Variants in EYA1 observed in about 807,000 individuals in gnomAD.
EYA1 encodes the protein protein phosphatase EYA1.
EYA1 carries 16 observed loss-of-function variants against 82.0 expected under a neutral mutation model. The ratio of observed to expected loss-of-function variants is 0.20; its 90% CI spans 0.13 to 0.30. The LOEUF (loss-of-function observed/expected upper bound fraction) is 0.30. EYA1 is among the 10% of genes least tolerant of loss of function. The pLI is 1.00. For missense variants in EYA1, 633 were observed against 730.7 expected (o/e 0.87, Z 1.54); for synonymous variants, 261 against 264.4 (o/e 0.99, Z 0.12).
intron 2 of EYA1, among the ~76,000 whole-genome samples, chr8:71,508,609 TAAA>T (rs1250435746): frequency 6.6e-6 from 1 of 152,100 alleles, no homozygotes; most frequent in Non-Finnish European, 1.5e-5. Flanking sequence ...AGTGGCCTTA[TAAA>T]AGGGGCCCAA....
At chr8:71,264,854 A>T (rs1460391389) in intron 11 of EYA1, among the ~76,000 whole-genome samples, 2 of 152,108 alleles carry the variant, frequency 1.3e-5, no homozygotes, top group East Asian at 3.9e-4. Context: ...AAGTGCTGGG[A>T]TTACACGCAT....
At position 71,299,138 on chromosome 8, in the gene EYA1, G is replaced by C; in HGVS notation, c.735C>G (p.Thr245=). 6.2e-7 allele frequency: 1 copy of C among 1,614,142 alleles called. No homozygotes were observed. Among genetic ancestry groups the C allele is most frequent in the Non-Finnish European group, 8.5e-7 (1 of 1,180,010 alleles). Residue 245 remains threonine, a synonymous_variant, in exon 9 of 18, where the codon ACC becomes ACG. Transcript: ENST00000340726. ...YPAHYMTSSN[T]SPTTPSTNAT... Reference sequence around the variant, plus strand: ...CATTGGTGGATGGTGTCGTTGGGCTGGTGTTGCTGCTGGTCATATAATGTG... The same window carrying C: ...CATTGGTGGATGGTGTCGTTGGGCTCGTGTTGCTGCTGGTCATATAATGTG...
At chr8:71,287,655 G>T (rs975666423) in intron 9 of EYA1, among the ~76,000 whole-genome samples, 1 of 152,144 alleles carries the variant, frequency 6.6e-6, no homozygotes, top group African/African-American at 2.4e-5. Context: ...CACTTTTGGG[G>T]CTTTAGTGTC....
intron 6 of EYA1, among the ~76,000 whole-genome samples, chr8:71,321,532 CT>C (rs1232076362): frequency 1.3e-5 from 2 of 152,200 alleles, no homozygotes; most frequent in Non-Finnish European, 2.9e-5. Context: ...ACCACATAAT[CT>C]TTTCGCTACC....
intron 2 of EYA1, among the ~76,000 whole-genome samples, chr8:71,389,114 GA>G (rs1305213650): frequency 2.0e-5 from 3 of 151,812 alleles, no homozygotes; most frequent in Non-Finnish European, 2.9e-5. Flanking sequence ...GAGGGAGAAA[GA>G]AAAGAAACAA....
intron 3 of EYA1, 70 bp from the exon 4 acceptor site, chr8:71,334,244 TA>T: frequency 8.7e-7 from 1 of 1,149,170 alleles, no homozygotes; most frequent in Middle Eastern, 1.9e-4. Context: ...AGAGAAGATA[TA>T]ACATTCAGAG....
intron 1 of EYA1, among the ~76,000 whole-genome samples, chr8:71,542,887 C>A (rs1586917472): frequency 6.6e-6 from 1 of 152,180 alleles, no homozygotes; most frequent in South Asian, 2.1e-4. Context: ...ATGTCCTTTG[C>A]CCACTTTTTA....
At chr8:71,363,816 C>A (rs1186978229), upstream of EYA1, among the ~76,000 whole-genome samples, 4 of 152,056 alleles carry the variant, frequency 2.6e-5, no homozygotes, top group African/African-American at 7.2e-5. Flanking sequence ...TTAAACAATG[C>A]TTGAAATTTT....
intron 2 of EYA1, among the ~76,000 whole-genome samples, chr8:71,405,100 G>A (rs1224545425): frequency 1.3e-5 from 2 of 151,960 alleles, no homozygotes; most frequent in African/African-American, 4.8e-5. Flanking sequence ...GTAGTACAAG[G>A]TGCCAATATG....
chr8:71,273,546 A>G (rs1816790993), intron 9 of EYA1, among the ~76,000 whole-genome samples: 1 of 152,226 alleles, frequency 6.6e-6, no homozygotes, highest in Non-Finnish European at 1.5e-5. Context: ...GTAGAATTTT[A>G]AGTAGTCAAG....
intron 7 of EYA1, among the ~76,000 whole-genome samples, chr8:71,300,123 C>T (rs1820042657): frequency 1.3e-5 from 2 of 152,040 alleles, no homozygotes; most frequent in Admixed American, 6.6e-5. Flanking sequence ...GATACTACTT[C>T]CAAGAACTTA....
At chr8:71,439,744 C>G (rs1806272322) in intron 2 of EYA1, among the ~76,000 whole-genome samples, 1 of 152,156 alleles carries the variant, frequency 6.6e-6, no homozygotes, top group Admixed American at 6.5e-5. Context: ...AAACATTCAC[C>G]AAGCACCTAC....
At chr8:71,369,032 C>CAAAAAAAA (rs60647486) in intron 2 of EYA1, among the ~76,000 whole-genome samples, 90 of 112,814 alleles carry the variant, frequency 8.0e-4, no homozygotes, top group African/African-American at 2.2e-3. Flanking sequence ...ACTAAAAATA[C>CAAAAAAAA]AAAAAAAAAA....
At chr8:71,507,115 T>C (rs761767104) in intron 2 of EYA1, among the ~76,000 whole-genome samples, 4 of 152,208 alleles carry the variant, frequency 2.6e-5, no homozygotes, top group Non-Finnish European at 5.9e-5. Flanking sequence ...TGCCAGGCAC[T>C]AGTCTAGCTC....
At chr8:71,306,087 C>T (rs945658172) in intron 7 of EYA1, among the ~76,000 whole-genome samples, 27 of 152,190 alleles carry the variant, frequency 1.8e-4, no homozygotes, top group African/African-American at 6.0e-4. Flanking sequence ...TCACAGCTCT[C>T]ACTGTGTTAC....
intron 12 of EYA1, among the ~76,000 whole-genome samples, chr8:71,237,562 TG>T: frequency 6.6e-6 from 1 of 152,316 alleles, no homozygotes; most frequent in Non-Finnish European, 1.5e-5. Context: ...TTACAGAATT[TG>T]GGACATACAG....
chr8:71,277,555 G>A lies in EYA1; in HGVS notation c.827-5658C>T, dbSNP rs547080576. The stretch of plus-strand genomic sequence containing the variant: ...ATCTTTGTGAATTCTCTAACTTCTG[G>A]TCCCTTCTTTGTAATTATGTACTCT... On this transcript the variant is annotated intron_variant, in intron 9 of 17. Transcript: ENST00000340726. Among the ~76,000 whole-genome samples, 24 of 152,148 alleles carry A rather than the reference G, an allele frequency of 1.6e-4. 1 individual carries two copies. In the South Asian group the frequency reaches 5.0e-3, roughly 32 times the overall value.
At chr8:71,214,294 C>CACTGCAT (rs1808902593) in intron 16 of EYA1, among the ~76,000 whole-genome samples, 1 of 152,128 alleles carries the variant, frequency 6.6e-6, no homozygotes, top group South Asian at 2.1e-4. Context: ...TTCTAATGAG[C>CACTGCAT]ACTGCATACT....
intron 2 of EYA1, among the ~76,000 whole-genome samples, chr8:71,493,805 C>CTT (rs1811196226): frequency 6.6e-6 from 1 of 150,392 alleles, no homozygotes; most frequent in African/African-American, 2.4e-5. Flanking sequence ...GGGCGGATCA[C>CTT]GAGGTCAGGA....
Sources: allele counts gnomAD v4.1 joint callset (sites outside exome capture counted in the v4.1 genomes callset), GRCh38; gene constraint gnomAD v4.1.1; transcripts MANE v1.5; gene names NCBI Gene and HGNC (gene_info 2026-07-23, HGNC 2026-07-21).